Variants in ERG observed in about 807,000 individuals in gnomAD.
The protein encoded by ERG is transcriptional regulator ERG.
A neutral mutation model predicts 55.3 loss-of-function variants in ERG; 9 were observed. The observed-to-expected ratio is 0.16, with a 90% CI of 0.10 to 0.28. The LOEUF (loss-of-function observed/expected upper bound fraction) is 0.28. Ranked by LOEUF, ERG falls within the 10% of genes least tolerant of loss-of-function variation. The pLI is 1.00. For missense variants in ERG, 434 were observed against 631.6 expected, an observed-to-expected ratio of 0.69 and a Z score of 3.35; for synonymous variants, 223 against 237.3, an observed-to-expected ratio of 0.94 and a Z score of 0.55.
At chr21:38,500,761 G>A (rs528023504), upstream of ERG, among the ~76,000 whole-genome samples, 10 of 152,198 alleles carry the variant, frequency 6.6e-5, no homozygotes, top group South Asian at 8.3e-4. Flanking sequence ...GCTATTATTT[G>A]ATCAATATTC....
intron 1 of ERG, among the ~76,000 whole-genome samples, chr21:38,467,602 AT>A (rs2059102483): frequency 6.6e-6 from 1 of 152,182 alleles, no homozygotes; most frequent in African/African-American, 2.4e-5. Flanking sequence ...GTAACTGTAC[AT>A]GTGCTCTTGT....
chr21:38,411,337 A>G (rs1212642314), intron 3 of ERG, among the ~76,000 whole-genome samples: 2 of 152,008 alleles, frequency 1.3e-5, no homozygotes, highest in Non-Finnish European at 2.9e-5. Context: ...TATTTTTTTG[A>G]GATAGTGTCT....
chr21:38,647,428 T>G (rs1181540453), intron 1 of ERG, among the ~76,000 whole-genome samples: 4 of 152,220 alleles, frequency 2.6e-5, no homozygotes, highest in Non-Finnish European at 5.9e-5. Context: ...ATTCCTTTTC[T>G]GTATAAAGCA....
chr21:38,534,552 T>C (rs971582202), intron 2 of ERG, among the ~76,000 whole-genome samples: 1 of 151,654 alleles, frequency 6.6e-6, no homozygotes, highest in East Asian at 1.9e-4. Context: ...CTATGAAATA[T>C]AAAAAAAATT....
intron 2 of ERG, among the ~76,000 whole-genome samples, chr21:38,537,342 G>A (rs10854385): frequency 0.22 from 33,488 of 151,734 alleles, 3,877 homozygotes; most frequent in East Asian, 0.29. Flanking sequence ...ACTTTTGTGA[G>A]TCAAACAAGC....
chr21:38,586,333 T>C (rs1290640072), upstream of ERG, among the ~76,000 whole-genome samples: 1 of 151,774 alleles, frequency 6.6e-6, no homozygotes, highest in Non-Finnish European at 1.5e-5. Context: ...CTTAGTGATT[T>C]TCAAGAATAT....
intron 5 of ERG, among the ~76,000 whole-genome samples, chr21:38,400,932 C>T (rs1336455255): frequency 6.6e-6 from 1 of 152,238 alleles, no homozygotes; most frequent in Non-Finnish European, 1.5e-5. Flanking sequence ...CTCAATCCCA[C>T]TTCCCACTGG....
At chr21:38,609,866 A>G (rs949511278) in intron 1 of ERG, among the ~76,000 whole-genome samples, 9 of 152,232 alleles carry the variant, frequency 5.9e-5, no homozygotes, top group Non-Finnish European at 1.0e-4. Context: ...CTTCAAAAAG[A>G]CTCAGAAGAC....
At position 38,382,552 on chromosome 21, in the gene ERG, T is replaced by C. The variant is rs1485488910; in HGVS notation, c.*851A>G. ...CTGTGTCCTTTCTCCTAACACTGGG[T>C]TTGGTATAACACTGACTGCATGAAC... On this transcript the variant is annotated 3_prime_UTR_variant, in exon 10 of 10. Transcript: ENST00000288319. 1 of 1,065,796 alleles carries C rather than the reference T, an allele frequency of 9.4e-7. No individual in the cohort carries two copies. The highest frequency in any genetic ancestry group is 1.1e-6 in the Non-Finnish European group (1 of 879,398). The allele number at this position is 1,065,796 out of a possible 1,614,324, so 66.0% of individuals were successfully genotyped here.
At chr21:38,412,648 C>T (rs1989111309) in intron 3 of ERG, among the ~76,000 whole-genome samples, 1 of 152,164 alleles carries the variant, frequency 6.6e-6, no homozygotes, top group South Asian at 2.1e-4. Flanking sequence ...AAGTGAGGTT[C>T]AATTAGCAAC....
At chr21:38,587,603 G>A (rs748042878), upstream of ERG, among the ~76,000 whole-genome samples, 9 of 152,204 alleles carry the variant, frequency 5.9e-5, no homozygotes, top group Non-Finnish European at 1.3e-4. Flanking sequence ...TGATCCACCC[G>A]CCTCGGCCAA....
chr21:38,581,605 G>A (rs1461688631), intron 1 of ERG, among the ~76,000 whole-genome samples: 1 of 152,178 alleles, frequency 6.6e-6, no homozygotes, highest in Non-Finnish European at 1.5e-5. Context: ...AGAGGAGCTA[G>A]AAATTGAGTT....
chr21:38,569,536 C>T (rs962807894), intron 2 of ERG, among the ~76,000 whole-genome samples: 1 of 152,236 alleles, frequency 6.6e-6, no homozygotes, highest in Non-Finnish European at 1.5e-5. Flanking sequence ...CCTAATTTTT[C>T]CTCTCTCTTC....
intron 1 of ERG, among the ~76,000 whole-genome samples, chr21:38,485,029 G>C (rs2059270481): frequency 6.6e-6 from 1 of 151,126 alleles, no homozygotes; most frequent in Admixed American, 6.6e-5. Context: ...AAAGTTAATT[G>C]TAAAACAGCC....
At chr21:38,406,154 C>CAAAAAAAAAAAAAAAAAAAAAAA (rs56711562) in intron 3 of ERG, among the ~76,000 whole-genome samples, 7 of 95,018 alleles carry the variant, frequency 7.4e-5, no homozygotes, top group South Asian at 4.5e-4. Context: ...GACTCCATCT[C>CAAAAAAAAAAAAAAAAAAAAAAA]AAAAAAAAAA....
At chr21:38,534,681 A>C (rs1399754492) in intron 2 of ERG, among the ~76,000 whole-genome samples, 1 of 152,230 alleles carries the variant, frequency 6.6e-6, no homozygotes, top group Non-Finnish European at 1.5e-5. Context: ...AAAAATTAAA[A>C]ATAGAATTAC....
chr21:38,417,975 C>T (rs1453427565), intron 3 of ERG, among the ~76,000 whole-genome samples: 1 of 152,148 alleles, frequency 6.6e-6, no homozygotes, highest in Non-Finnish European at 1.5e-5. Flanking sequence ...TCCATGTTCA[C>T]AGCCAACACC....
chr21:38,509,771 G>A (rs778033474), intron 2 of ERG, among the ~76,000 whole-genome samples: 5 of 152,178 alleles, frequency 3.3e-5, no homozygotes, highest in Admixed American at 6.5e-5. Flanking sequence ...AATAGGGGTG[G>A]TAAATGAGAA....
intron 1 of ERG, among the ~76,000 whole-genome samples, chr21:38,615,282 CAT>C (rs1013251744): frequency 5.3e-5 from 8 of 152,258 alleles, no homozygotes; most frequent in South Asian, 2.1e-4. Flanking sequence ...TAAAATGTCA[CAT>C]GAGATGATAT....
Sources: gnomAD v4.1 joint callset for allele counts (sites outside exome capture counted in the v4.1 genomes callset) on GRCh38, gnomAD v4.1.1 for gene constraint, MANE v1.5 for transcripts, NCBI Gene and HGNC (gene_info 2026-07-23, HGNC 2026-07-21) for gene names.